The following MCTP1 variants were observed in gnomAD, a reference collection of about 807,000 sequenced individuals.
The protein encoded by MCTP1 is multiple C2 and transmembrane domain-containing protein 1.
A neutral mutation model predicts 120.6 loss-of-function variants in MCTP1; 69 were observed. The ratio of observed to expected loss-of-function variants is 0.57; its 90% confidence interval spans 0.47 to 0.70. The LOEUF is 0.70. Ranked by LOEUF, MCTP1 falls within the 30% of genes least tolerant of loss-of-function variation. The probability of loss-of-function intolerance (pLI) is 0.00; values close to 1 mark genes in which losing one functional copy is unlikely to be tolerated. For synonymous variants in MCTP1, 529 were observed against 493.1 expected (o/e 1.07, Z -0.96); for missense variants, 1,203 against 1,248.8 (o/e 0.96, Z 0.55).
chr5:94,730,387 G>A (rs1043832126), intron 19 of MCTP1, among the ~76,000 whole-genome samples: 5 of 152,198 alleles, frequency 3.3e-5, no homozygotes, highest in African/African-American at 1.2e-4. Flanking sequence ...TCGAACTCAA[G>A]CAATCCTCCT....
chr5:95,117,207 G>A lies in MCTP1; in HGVS notation c.721-99723C>T, dbSNP rs12659501. On this transcript the variant is annotated intron_variant, in intron 1 of 22. Coordinates refer to ENST00000515393, the MANE Select transcript of MCTP1 (RefSeq NM_024717.7). ...AGATCAAGACCATCCTCGCTAACAC[G>A]GTGAAACCCCGTCTCTACTAAAAAC... Among the ~76,000 whole-genome samples, 34 of 151,974 alleles carry A rather than the reference G, an allele frequency of 2.2e-4. 2 individuals are homozygous for A. The East Asian group carries it at 4.9e-3, about 22-fold the overall frequency.
At position 94,873,259 on chromosome 5, in the gene MCTP1, T is replaced by C. The variant is rs1292041757; in HGVS notation, c.1934-18A>G. The C allele has an allele frequency of 1.4e-6, 2 of 1,449,006 alleles. No individual in the cohort carries two copies. Among genetic ancestry groups the C allele is most frequent in the African/African-American group, 2.8e-5 (2 of 71,550 alleles). The allele number at this position is 1,449,006 out of a possible 1,614,324, so 89.8% of individuals were successfully genotyped here. ...ACTTTTTCCTACAAGAGATTTTTGG[T>C]AAATATTTTTAGTGTACATAGCACC... On this transcript the variant is annotated intron_variant, in intron 12 of 22. Coordinates refer to ENST00000515393, the MANE Select transcript of MCTP1 (RefSeq NM_024717.7).
Position 95,026,183 on chromosome 5 carries a change from TATG to T in MCTP1, c.721-8702_721-8700del, listed in dbSNP as rs563333639. ...TTAATTTTTGTGGGTACATAGTATA[TATG>T]TATTTATGGGTTTCATGAGATATTT... On this transcript the variant is annotated intron_variant, in intron 1 of 22. Coordinates refer to ENST00000515393, the MANE Select transcript of MCTP1 (RefSeq NM_024717.7). Among the ~76,000 whole-genome samples the T allele has an allele frequency of 2.3e-3, 357 of 152,260 alleles. 1 individual carries two copies. The highest frequency in any genetic ancestry group is 8.2e-3 in the African/African-American group (342 of 41,556).
intron 1 of MCTP1, among the ~76,000 whole-genome samples, chr5:95,101,946 A>G (rs1756762970): frequency 6.6e-6 from 1 of 152,158 alleles, no homozygotes; most frequent in African/African-American, 2.4e-5. Flanking sequence ...ACTAGATCAG[A>G]TGCTCTCCTA....
rs575474358 is a variant in MCTP1 at position 94,847,455 on chromosome 5, G to C, written c.2436+20878C>G. 7.9e-5 allele frequency among the ~76,000 whole-genome samples: 12 copies of C among 151,886 alleles called. No individual in the cohort carries two copies. In the East Asian group the frequency reaches 2.3e-3, roughly 29 times the overall value. Reference sequence around the variant, plus strand: ...TCCCGAGAAAATGAAAAAATAAAAGGTCAAATTTCCGATGTTTTACTTAGC... The same window carrying C: ...TCCCGAGAAAATGAAAAAATAAAAGCTCAAATTTCCGATGTTTTACTTAGC... On this transcript the variant is annotated intron_variant, in intron 17 of 22. Coordinates refer to ENST00000515393, the MANE Select transcript of MCTP1 (RefSeq NM_024717.7).
chr5:94,829,687 G>C (rs559103030), intron 17 of MCTP1, among the ~76,000 whole-genome samples: 3 of 152,266 alleles, frequency 2.0e-5, no homozygotes, highest in South Asian at 4.1e-4. Context: ...AAGGAAGAAA[G>C]GGAGCATGTA....
chr5:95,165,468 A>T (rs1186796216), intron 1 of MCTP1, among the ~76,000 whole-genome samples: 1 of 152,226 alleles, frequency 6.6e-6, no homozygotes. Flanking sequence ...GTGATTACAC[A>T]TCTATATCAA....
At chr5:95,137,758 G>T (rs1045222973) in intron 1 of MCTP1, among the ~76,000 whole-genome samples, 2 of 152,014 alleles carry the variant, frequency 1.3e-5, no homozygotes, top group Non-Finnish European at 2.9e-5. Flanking sequence ...AATATTTGTG[G>T]AATAAAGCAA....
chr5:94,983,283 C>T (rs1419460010), intron 2 of MCTP1, among the ~76,000 whole-genome samples: 1 of 152,126 alleles, frequency 6.6e-6, no homozygotes, highest in East Asian at 1.9e-4. Context: ...GATTTCTCAC[C>T]TACCTAAACT....
rs567102806 is a variant in MCTP1 at position 95,252,206 on chromosome 5, G to T, written c.720+31650C>A. On this transcript the variant is annotated intron_variant, in intron 1 of 22. Transcript: ENST00000515393. The stretch of plus-strand genomic sequence containing the variant: ...CATCCTAAATTAGCCTGGTATTGGG[G>T]TGACCATGTGTGTTACTAATTGGCT... Among the ~76,000 whole-genome samples, 75 of 152,212 alleles carry T rather than the reference G, an allele frequency of 4.9e-4. 1 individual carries two copies. Among genetic ancestry groups the T allele is most frequent in the Non-Finnish European group, 9.1e-4 (62 of 68,000 alleles).
chr5:95,136,018 A>G (rs187384790), intron 1 of MCTP1, among the ~76,000 whole-genome samples: 1 of 152,234 alleles, frequency 6.6e-6, no homozygotes. Context: ...TAATTGAAGT[A>G]GGTTTTAAAA....
At position 94,970,149 on chromosome 5, in the gene MCTP1, T is replaced by C. The variant is rs140414654; in HGVS notation, c.839-16788A>G. Among the ~76,000 whole-genome samples the C allele has an allele frequency of 2.4e-3, 360 of 152,026 alleles. 2 individuals carry two copies. The highest frequency in any genetic ancestry group is 3.4e-3 in the Middle Eastern group (1 of 292). ...AAGTGTAGCATAGGATGGCACTAGG[T>C]ATATTTATTTCCTGAAGAGTAGTAG... On this transcript the variant is annotated intron_variant, in intron 2 of 22. Transcript: ENST00000515393.
Position 94,942,371 on chromosome 5 carries a change from A to T in MCTP1, c.1038T>A (p.Asp346Glu), listed in dbSNP as rs1817925912. 6.2e-7 allele frequency: 1 copy of T among 1,611,386 alleles called. No homozygotes were observed. The highest frequency in any genetic ancestry group is 2.2e-5 in the East Asian group (1 of 44,798). ...ACCTGTTTAACTCCAATTGTGTCAG[A>T]TCCAGAAAGGCTGAGCCCATAAAGT... ...QDDFMGSAFL[D>E]LTQLELNRPT... Residue 346 changes from aspartate to glutamate, a missense_variant, in exon 4 of 23, where the codon GAT becomes GAA. By Grantham distance (45) the Asp-to-Glu change is conservative. Around this residue, in one of 2 missense-constraint regions of MCTP1, gnomAD observed 740 missense variants for 871.1 expected, o/e 0.85. Transcript: ENST00000515393.
At chr5:94,791,112 C>CAAAAAAAAAAAAA (rs60394333) in intron 18 of MCTP1, among the ~76,000 whole-genome samples, 1 of 99,662 alleles carries the variant, frequency 1.0e-5, no homozygotes, top group Non-Finnish European at 1.9e-5. Flanking sequence ...GTCTCTACTA[C>CAAAAAAAAAAAAA]AAAAAAAAAA....
intron 19 of MCTP1, among the ~76,000 whole-genome samples, chr5:94,769,737 A>G (rs1159992400): frequency 6.6e-6 from 1 of 152,122 alleles, no homozygotes; most frequent in African/African-American, 2.4e-5. Flanking sequence ...CTGGGACTTT[A>G]CTTGATTTTG....
intron 1 of MCTP1, among the ~76,000 whole-genome samples, chr5:95,199,556 T>C (rs964735067): frequency 1.3e-5 from 2 of 151,178 alleles, no homozygotes; most frequent in South Asian, 2.1e-4. Context: ...AGAATGGCTA[T>C]TATGAAAAAG....
At position 95,024,648 on chromosome 5, in the gene MCTP1, T is replaced by TACACACACAC. The variant is rs111890273; in HGVS notation, c.721-7174_721-7165dup. Among the ~76,000 whole-genome samples, 427 of 146,352 alleles carry TACACACACAC rather than the reference T, an allele frequency of 2.9e-3. 6 individuals are homozygous for TACACACACAC. Among genetic ancestry groups the TACACACACAC allele is most frequent in the East Asian group, 0.024 (119 of 4,922 alleles). Reference sequence around the variant, plus strand: ...GAGAAAGAAATGAAAGGCATTCAAATACACACACACACACACACACACACA... The same window carrying TACACACACAC: ...GAGAAAGAAATGAAAGGCATTCAAATACACACACACACACACACACACACACACACACACA... On this transcript the variant is annotated intron_variant, in intron 1 of 22. Transcript: ENST00000515393.
intron 2 of MCTP1, among the ~76,000 whole-genome samples, chr5:94,969,194 T>C (rs1490688246): frequency 1.3e-5 from 2 of 152,162 alleles, no homozygotes; most frequent in Non-Finnish European, 2.9e-5. Context: ...GCTATATTTA[T>C]TTATTTTTTA....
At chr5:95,096,788 T>G (rs977354679) in intron 1 of MCTP1, among the ~76,000 whole-genome samples, 1 of 152,108 alleles carries the variant, frequency 6.6e-6, no homozygotes, top group Non-Finnish European at 1.5e-5. Context: ...AACTGAGAAG[T>G]TTTCTCATGA....
Sources: gnomAD v4.1 joint callset for allele counts (sites outside exome capture counted in the v4.1 genomes callset) on GRCh38, gnomAD v4.1.1 for gene constraint, gnomAD v4.1.1 regional missense constraint, MANE v1.5 for transcripts, NCBI Gene and HGNC (gene_info 2026-07-23, HGNC 2026-07-21) for gene names.